The following CA8 variants were observed in gnomAD, a reference collection of about 807,000 sequenced individuals.
CA8 encodes the protein carbonic anhydrase 8 (inactive), also known as carbonic anhydrase-related protein.
CA8 carries 22 observed loss-of-function variants against 41.4 expected under a neutral mutation model. The ratio of observed to expected loss-of-function variants is 0.53; its 90% CI spans 0.38 to 0.76. The LOEUF (loss-of-function observed/expected upper bound fraction) is 0.76, where lower values mean the gene tolerates loss of function less well. Among genes scored for constraint, CA8 ranks in the 30% least tolerant of loss-of-function variants. The pLI is 0.00. For missense variants in CA8, 270 were observed against 352.8 expected (o/e 0.77, Z 1.88); for synonymous variants, 121 against 130.6 (o/e 0.93, Z 0.50).
chr8:60,258,343 T>A (rs1394806912), intron 3 of CA8, among the ~76,000 whole-genome samples: 1 of 152,212 alleles, frequency 6.6e-6, no homozygotes, highest in Non-Finnish European at 1.5e-5. Context: ...ACAGATACAT[T>A]TGTATAGGAA....
chr8:60,279,998 C>T (rs937855196), intron 1 of CA8, 118 bp from the exon 2 acceptor site: 8 of 733,030 alleles, frequency 1.1e-5, no homozygotes, highest in East Asian at 2.7e-5. Flanking sequence ...ATGATACCAT[C>T]ACTATACAGA....
At position 60,224,563 on chromosome 8, in the gene CA8, C is replaced by G. The variant is rs1332104178; in HGVS notation, c.599G>C (p.Cys200Ser). The change falls in exon 6 of 9, where the codon TGC becomes TCC. Residue 200 changes from cysteine to serine, a missense_variant. By Grantham distance (112) the Cys-to-Ser change is moderately radical (BLOSUM62 -1). Transcript: ENST00000317995. ...TGGTAATAAAGTGTTAGGATTAAAGCAAGGTATTGTTTTGGACTTCCCCTG... is the reference window on the plus strand; with the variant it reads ...TGGTAATAAAGTGTTAGGATTAAAGGAAGGTATTGTTTTGGACTTCCCCTG... ...QYKGKSKTIP[C>S]FNPNTLLPDP... The G allele has an allele frequency of 6.3e-7, 1 of 1,578,536 alleles. No individual in the cohort carries two copies. Among genetic ancestry groups the G allele is most frequent in the South Asian group, 1.1e-5 (1 of 89,956 alleles).
intron 3 of CA8, among the ~76,000 whole-genome samples, chr8:60,257,599 A>G (rs1214882751): frequency 6.6e-6 from 1 of 152,152 alleles, no homozygotes; most frequent in Non-Finnish European, 1.5e-5. Flanking sequence ...AGGATGTCAC[A>G]GGGGTCCCAG....
chr8:60,202,047 CTTT>C (rs780582775), intron 8 of CA8, among the ~76,000 whole-genome samples: 3 of 139,764 alleles, frequency 2.1e-5, no homozygotes, highest in African/African-American at 5.2e-5. Flanking sequence ...GACTCAGTTT[CTTT>C]TTTTTTTTTT....
In CA8 at chr8:60,232,276, C is replaced by A. The variant is rs749721295; in HGVS notation, c.513+8G>T. The A allele has an allele frequency of 6.2e-7, 1 of 1,600,554 alleles. No homozygotes were observed. The highest frequency in any genetic ancestry group is 2.2e-5 in the East Asian group (1 of 44,810). ...TAAACAATACGATAATCACAGCAGACCGTTTACCTGAACAAACAGAGCAAT... is the reference window on the plus strand; with the variant it reads ...TAAACAATACGATAATCACAGCAGAACGTTTACCTGAACAAACAGAGCAAT... On this transcript the variant is annotated splice_region_variant and intron_variant, in intron 4 of 8. Coordinates refer to ENST00000317995, the MANE Select transcript of CA8 (RefSeq NM_004056.6).
At chr8:60,190,373 C>T (rs1806081600) in intron 8 of CA8, among the ~76,000 whole-genome samples, 1 of 147,952 alleles carries the variant, frequency 6.8e-6, no homozygotes. Context: ...AGCACACAGA[C>T]CCCTTCATTC....
At chr8:60,216,896 T>C (rs528050665) in intron 7 of CA8, among the ~76,000 whole-genome samples, 2 of 152,308 alleles carry the variant, frequency 1.3e-5, no homozygotes, top group South Asian at 4.1e-4. Flanking sequence ...AACATTTTTG[T>C]TTTTGAGATG....
At chr8:60,261,113 G>A (rs760836115) in intron 3 of CA8, among the ~76,000 whole-genome samples, 2 of 151,818 alleles carry the variant, frequency 1.3e-5, no homozygotes, top group Admixed American at 1.3e-4. Context: ...GATATCTGGC[G>A]ACCTGGCACA....
At chr8:60,246,282 G>C (rs1354932954) in intron 3 of CA8, among the ~76,000 whole-genome samples, 2 of 61,812 alleles carry the variant, frequency 3.2e-5, no homozygotes, top group Non-Finnish European at 6.7e-5. Context: ...ATGCATTTCT[G>C]GGGGGGGTTG....
intron 3 of CA8, among the ~76,000 whole-genome samples, chr8:60,239,807 G>A (rs1189655948): frequency 1.3e-5 from 2 of 152,170 alleles, no homozygotes; most frequent in East Asian, 1.9e-4. Flanking sequence ...TAAATCTCAC[G>A]AGATCTGATG....
chr8:60,256,331 T>G (rs1808636522), intron 3 of CA8, among the ~76,000 whole-genome samples: 1 of 152,236 alleles, frequency 6.6e-6, no homozygotes, highest in Non-Finnish European at 1.5e-5. Flanking sequence ...CATTGTGAAC[T>G]GCAAGCAAAA....
chr8:60,204,144 A>C (rs1806510138), intron 8 of CA8, among the ~76,000 whole-genome samples: 1 of 152,234 alleles, frequency 6.6e-6, no homozygotes, highest in Non-Finnish European at 1.5e-5. Context: ...TTCTTTCCTT[A>C]GCTAATTCAA....
At chr8:60,202,868 T>C (rs1460480880) in intron 8 of CA8, among the ~76,000 whole-genome samples, 2 of 152,210 alleles carry the variant, frequency 1.3e-5, no homozygotes, top group African/African-American at 4.8e-5. Context: ...GGAGTTCACA[T>C]AGGTCCCTGG....
intron 3 of CA8, among the ~76,000 whole-genome samples, chr8:60,254,603 T>C (rs1808562260): frequency 1.3e-5 from 2 of 152,228 alleles, no homozygotes; most frequent in Non-Finnish European, 2.9e-5. Context: ...CTGCAAAATA[T>C]TTCCAGTGCT....
chr8:60,224,669 A>G (rs1265506331), intron 5 of CA8, 84 bp from the exon 6 acceptor site: 1 of 867,966 alleles, frequency 1.2e-6, no homozygotes, highest in Non-Finnish European at 1.9e-6. Flanking sequence ...CTAAAAAATT[A>G]GAATGAAGTC....
chr8:60,251,783 C>T (rs945017177), intron 3 of CA8, among the ~76,000 whole-genome samples: 1 of 152,176 alleles, frequency 6.6e-6, no homozygotes, highest in Non-Finnish European at 1.5e-5. Flanking sequence ...ATAATGCATT[C>T]AAAATGCTTC....
Position 60,224,530 on chromosome 8 carries a change from TACTC to T in CA8, c.625+3_625+6del, listed in dbSNP as rs1316588748. 1 of 1,549,914 alleles carries T rather than the reference TACTC, an allele frequency of 6.5e-7. No individual in the cohort carries two copies. Among genetic ancestry groups the T allele is most frequent in the Admixed American group, 1.7e-5 (1 of 59,920 alleles). ...AATTCATTTTATGCAATCAGGTAAATACTCACCTGGTAATAAAGTGTTAGGATTA... is the reference window on the plus strand; with the variant it reads ...AATTCATTTTATGCAATCAGGTAAATACCTGGTAATAAAGTGTTAGGATTA... On this transcript the variant is annotated splice_donor_5th_base_variant and intron_variant, in intron 6 of 8. Coordinates refer to ENST00000317995, the MANE Select transcript of CA8 (RefSeq NM_004056.6).
chr8:60,267,046 T>C (rs979577360), intron 2 of CA8, among the ~76,000 whole-genome samples: 1 of 152,200 alleles, frequency 6.6e-6, no homozygotes, highest in Non-Finnish European at 1.5e-5. Context: ...CATAACAGAT[T>C]CCACACCTCT....
intron 4 of CA8, among the ~76,000 whole-genome samples, chr8:60,231,789 A>C (rs2130494224): frequency 6.6e-6 from 1 of 152,334 alleles, no homozygotes; most frequent in Non-Finnish European, 1.5e-5. Flanking sequence ...GCTCAAATCC[A>C]AATGTTATAT....
Sources: allele counts gnomAD v4.1 joint callset (sites outside exome capture counted in the v4.1 genomes callset), GRCh38; gene constraint gnomAD v4.1.1; transcripts MANE v1.5; gene names NCBI Gene and HGNC (gene_info 2026-07-23, HGNC 2026-07-21).